Variants in NHS observed in about 807,000 individuals in gnomAD.
NHS encodes actin remodeling regulator NHS.
In NHS, 5 loss-of-function variants were observed where a neutral mutation model predicts 72.5. The observed-to-expected ratio is 0.07, with a 90% CI of 0.04 to 0.14. NHS has a LOEUF of 0.14. Among genes scored for constraint, NHS ranks in the 10% least tolerant of loss-of-function variants. The pLI is 1.00. For missense variants in NHS, 1,072 were observed against 1,355.7 expected, an observed-to-expected ratio of 0.79 and a Z score of 3.29; for synonymous variants, 464 against 547.7, an observed-to-expected ratio of 0.85 and a Z score of 2.13.
chrX:17,642,180 T>C (rs1030970855), intron 1 of NHS, among the ~76,000 whole-genome samples: 3 of 112,118 alleles, frequency 2.7e-5, no homozygotes, highest in South Asian at 3.7e-4. Flanking sequence ...TCTCCTGACC[T>C]CGTGATCCGC....
At chrX:17,563,653 C>G (rs2065426870) in intron 1 of NHS, among the ~76,000 whole-genome samples, 1 of 111,715 alleles carries the variant, frequency 9.0e-6, no homozygotes, top group Non-Finnish European at 1.9e-5. Flanking sequence ...ATATTTTAAC[C>G]ACAAAAGCCT....
At chrX:17,436,376 G>A (rs1048773596) in intron 1 of NHS, among the ~76,000 whole-genome samples, 1 of 110,571 alleles carries the variant, frequency 9.0e-6, no homozygotes, top group African/African-American at 3.3e-5. Context: ...TTAAAGAAAA[G>A]CCCTCCCTTT....
chrX:17,507,729 G>A (rs2065066210), intron 1 of NHS, among the ~76,000 whole-genome samples: 1 of 111,927 alleles, frequency 8.9e-6, no homozygotes, highest in South Asian at 3.8e-4. Context: ...CTGCTAAAGG[G>A]TTTTGGATGC....
At chrX:17,691,371 C>T (rs1334224421) in intron 2 of NHS, among the ~76,000 whole-genome samples, 4 of 112,159 alleles carry the variant, frequency 3.6e-5, no homozygotes, top group Non-Finnish European at 5.6e-5. Flanking sequence ...CTTAAACAGC[C>T]TTCGGATAAA....
At chrX:17,467,254 A>C (rs953276680) in intron 1 of NHS, among the ~76,000 whole-genome samples, 3 of 112,691 alleles carry the variant, frequency 2.7e-5, no homozygotes, top group African/African-American at 9.7e-5. Flanking sequence ...TTCCAAAAAA[A>C]GAAAAAAAGA....
chrX:17,383,563 A>G (rs1331380148), intron 1 of NHS, among the ~76,000 whole-genome samples: 2 of 112,346 alleles, frequency 1.8e-5, no homozygotes, highest in African/African-American at 3.2e-5. Flanking sequence ...AAGCAAGCAC[A>G]TCTTCACATG....
At chrX:17,725,258 G>T in intron 6 of NHS, 89 bp from the exon 7 acceptor site, 2 of 884,636 alleles carry the variant, frequency 2.3e-6, no homozygotes, top group Non-Finnish European at 3.2e-6. Flanking sequence ...GCTCTAACCT[G>T]CCAGCCCACA....
At chrX:17,455,657 C>T (rs1353075399) in intron 1 of NHS, among the ~76,000 whole-genome samples, 4 of 111,942 alleles carry the variant, frequency 3.6e-5, no homozygotes, top group African/African-American at 9.7e-5. Context: ...GACGAACACA[C>T]GAGCAAATGG....
At chrX:17,504,640 C>T (rs2146926437) in intron 1 of NHS, among the ~76,000 whole-genome samples, 1 of 111,652 alleles carries the variant, frequency 9.0e-6, no homozygotes, top group South Asian at 3.8e-4. Flanking sequence ...TTCATAATTC[C>T]CAAAGACAAG....
chrX:17,485,827 CA>C (rs781277384), intron 1 of NHS, among the ~76,000 whole-genome samples: 1 of 111,782 alleles, frequency 8.9e-6, no homozygotes, highest in East Asian at 2.8e-4. Flanking sequence ...TTCTGAACAT[CA>C]GTGGCAATTT....
intron 1 of NHS, among the ~76,000 whole-genome samples, chrX:17,419,366 G>A (rs1192313393): frequency 1.8e-5 from 2 of 112,205 alleles, no homozygotes; most frequent in African/African-American, 3.2e-5. Flanking sequence ...AACTTCTACC[G>A]TCTAGTGTGT....
At chrX:17,542,906 G>T (rs1479105576) in intron 1 of NHS, among the ~76,000 whole-genome samples, 2 of 112,098 alleles carry the variant, frequency 1.8e-5, no homozygotes, top group East Asian at 5.5e-4. Context: ...TTTTTATGAG[G>T]AGTAAAGGAG....
intron 1 of NHS, among the ~76,000 whole-genome samples, chrX:17,538,033 C>T (rs1052589298): frequency 1.8e-5 from 2 of 112,005 alleles, no homozygotes; most frequent in Non-Finnish European, 3.8e-5. Context: ...CCAGTGCCCC[C>T]ATCTTGCGGA....
rs776976880 is a variant in NHS, at chrX:17,735,868, T to C, written c.*3404T>C. The C allele has an allele frequency of 8.9e-6, 1 of 112,878 alleles. No individual in the cohort carries two copies. The highest frequency in any genetic ancestry group is 1.9e-5 in the Non-Finnish European group (1 of 53,336). The allele number at this position is 112,878 out of a possible 1,213,427, so 9.3% of individuals were successfully genotyped here. A position where few individuals can be genotyped will look rare whatever the true frequency, so the allele number is the denominator to read the frequency against. ...TAGAGCTGTGCAACACTTTAAGTCT[T>C]GTATTTATTTTTAGTAAAAATGGTG... On this transcript the variant is annotated 3_prime_UTR_variant, in exon 9 of 9. Coordinates refer to ENST00000676302, the MANE Select transcript of NHS (RefSeq NM_001291867.2).
In NHS at chrX:17,388,921, A is replaced by C. The variant is rs183015707; in HGVS notation, c.565+12599A>C. ...AAGTAGAGCTGTTGATGGTTGTTTC[A>C]TGTCTGGGGCTAGGCATGCAACTCA... On this transcript the variant is annotated intron_variant, in intron 1 of 8. Coordinates refer to ENST00000676302, the MANE Select transcript of NHS (RefSeq NM_001291867.2). Among the ~76,000 whole-genome samples, 125 of 109,846 alleles carry C rather than the reference A, an allele frequency of 1.1e-3. 1 individual carries two copies. Among genetic ancestry groups the C allele is most frequent in the African/African-American group, 3.8e-3 (114 of 29,989 alleles).
intron 1 of NHS, among the ~76,000 whole-genome samples, chrX:17,497,959 A>G (rs1292582008): frequency 8.9e-6 from 1 of 111,733 alleles, no homozygotes; most frequent in African/African-American, 3.3e-5. Context: ...GTGGATCTCA[A>G]TCTTTTGTAC....
chrX:17,696,582 T>C (rs1303564094), intron 3 of NHS, among the ~76,000 whole-genome samples: 1 of 112,237 alleles, frequency 8.9e-6, no homozygotes, highest in Non-Finnish European at 1.9e-5. Flanking sequence ...CAGCCTTTCT[T>C]TGGTAAGAAA....
chrX:17,406,576 C>G (rs935857365), intron 1 of NHS, among the ~76,000 whole-genome samples: 3 of 111,543 alleles, frequency 2.7e-5, no homozygotes, highest in African/African-American at 9.8e-5. Context: ...CAGCTAGTTA[C>G]AGCAGTGTCT....
chrX:17,489,511 G>A (rs1467094311), intron 1 of NHS, among the ~76,000 whole-genome samples: 47 of 111,388 alleles, frequency 4.2e-4, no homozygotes, highest in Non-Finnish European at 8.1e-4. Flanking sequence ...TGTTTGAGAT[G>A]GAGTCTCGCT....
Sources: gnomAD v4.1 joint callset for allele counts (sites outside exome capture counted in the v4.1 genomes callset) on GRCh38, gnomAD v4.1.1 for gene constraint, MANE v1.5 for transcripts, NCBI Gene and HGNC (gene_info 2026-07-23, HGNC 2026-07-21) for gene names.